The following PTPN14 variants were observed in gnomAD, a reference collection of about 807,000 sequenced individuals.
PTPN14 encodes tyrosine-protein phosphatase non-receptor type 14.
In PTPN14, 53 loss-of-function variants were observed where a neutral mutation model predicts 126.8. The ratio of observed to expected loss-of-function variants is 0.42; its 90% CI spans 0.34 to 0.53. The LOEUF (loss-of-function observed/expected upper bound fraction) is 0.53. PTPN14 is among the 20% of genes least tolerant of loss of function. The pLI is 0.08. For synonymous variants in PTPN14, 630 were observed against 599.3 expected, an observed-to-expected ratio of 1.05 and a Z score of -0.75; for missense variants, 1,257 against 1,552.9, an observed-to-expected ratio of 0.81 and a Z score of 3.20.
At chr1:214,416,992 T>C (rs1392146638) in intron 3 of PTPN14, among the ~76,000 whole-genome samples, 1 of 151,908 alleles carries the variant, frequency 6.6e-6, no homozygotes, top group African/African-American at 2.4e-5. Context: ...TACTCCACCC[T>C]GTCATAGCTT....
chr1:214,516,452 G>A (rs1655105259), intron 1 of PTPN14, among the ~76,000 whole-genome samples: 1 of 152,180 alleles, frequency 6.6e-6, no homozygotes, highest in Non-Finnish European at 1.5e-5. Flanking sequence ...TCACTGTGCA[G>A]CATATGCTGG....
At chr1:214,541,173 G>A (rs1008441128) in intron 1 of PTPN14, among the ~76,000 whole-genome samples, 1 of 151,926 alleles carries the variant, frequency 6.6e-6, no homozygotes, top group Non-Finnish European at 1.5e-5. Context: ...GGGAACATCA[G>A]ATAAAACCTC....
chr1:214,544,018 G>A (rs1655906968), intron 1 of PTPN14, among the ~76,000 whole-genome samples: 1 of 152,218 alleles, frequency 6.6e-6, no homozygotes, highest in Non-Finnish European at 1.5e-5. Context: ...AAGATGAACT[G>A]AATAAGATCC....
chr1:214,535,811 C>T (rs901972934), intron 1 of PTPN14, among the ~76,000 whole-genome samples: 3 of 151,658 alleles, frequency 2.0e-5, no homozygotes, highest in Non-Finnish European at 4.4e-5. Flanking sequence ...TGAGATAATC[C>T]ACTTCCTTGT....
At chr1:214,534,540 C>T (rs1019489507) in intron 1 of PTPN14, among the ~76,000 whole-genome samples, 17 of 151,764 alleles carry the variant, frequency 1.1e-4, no homozygotes, top group Admixed American at 2.6e-4. Context: ...GGTGAAACCC[C>T]GTCTCTACTA....
intron 1 of PTPN14, among the ~76,000 whole-genome samples, chr1:214,538,541 A>C (rs955633691): frequency 5.3e-5 from 8 of 152,360 alleles, no homozygotes; most frequent in African/African-American, 1.7e-4. Context: ...TTAGCTTGAC[A>C]TAAGTAAAGA....
chr1:214,376,202 C>G lies in PTPN14; in HGVS notation c.2907+17G>C, dbSNP rs777549914. ...CAGCCATCTTTACCAAACCTTCTAA[C>G]AGGCTTGCCTTCTTACCTTGATGTG... On this transcript the variant is annotated intron_variant, in intron 15 of 18. Coordinates refer to ENST00000366956, the MANE Select transcript of PTPN14 (RefSeq NM_005401.5). The G allele has an allele frequency of 6.2e-7, 1 of 1,604,544 alleles. No homozygotes were observed. The highest frequency in any genetic ancestry group is 8.5e-7 in the Non-Finnish European group (1 of 1,172,210).
At chr1:214,441,533 A>C (rs1660036309) in intron 3 of PTPN14, among the ~76,000 whole-genome samples, 1 of 152,276 alleles carries the variant, frequency 6.6e-6, no homozygotes, top group Non-Finnish European at 1.5e-5. Context: ...AAGGTAGAGC[A>C]AACAATTATA....
At chr1:214,458,475 AC>A (rs1274892122) in intron 2 of PTPN14, among the ~76,000 whole-genome samples, 1 of 152,210 alleles carries the variant, frequency 6.6e-6, no homozygotes, top group Non-Finnish European at 1.5e-5. Context: ...GAAGGCAGCC[AC>A]ATCGAGTGCT....
At chr1:214,520,984 C>G (rs1026116691) in intron 1 of PTPN14, among the ~76,000 whole-genome samples, 6 of 152,136 alleles carry the variant, frequency 3.9e-5, no homozygotes, top group African/African-American at 1.4e-4. Flanking sequence ...GTAAATAAAA[C>G]AGATTCACAA....
intron 1 of PTPN14, among the ~76,000 whole-genome samples, chr1:214,513,911 C>T (rs1464540925): frequency 6.6e-6 from 1 of 152,208 alleles, no homozygotes; most frequent in East Asian, 1.9e-4. Flanking sequence ...TGTGTTATTA[C>T]TCTTGTTCAC....
chr1:214,494,066 TTCTTTC>T (rs1186738495), intron 1 of PTPN14, among the ~76,000 whole-genome samples: 2 of 151,954 alleles, frequency 1.3e-5, no homozygotes, highest in Non-Finnish European at 2.9e-5. Context: ...TCTTCTCTCT[TTCTTTC>T]TCTTTTTTTT....
chr1:214,549,840 G>T (rs1656062673), intron 1 of PTPN14, among the ~76,000 whole-genome samples: 1 of 152,162 alleles, frequency 6.6e-6, no homozygotes, highest in African/African-American at 2.4e-5. Context: ...GCTACTTGTG[G>T]TTCCCATAAG....
rs769639797 is a variant in PTPN14 at position 214,393,739 on chromosome 1, A to C, written c.885T>G (p.Phe295Leu). Residue 295 changes from phenylalanine to leucine, a missense_variant, in exon 10 of 19, where the codon TTT becomes TTG. By Grantham distance (22) the Phe-to-Leu change is conservative (BLOSUM62 0). Coordinates refer to ENST00000366956, the MANE Select transcript of PTPN14 (RefSeq NM_005401.5). ...GTTTGTAAAACTTGTGTCGTGTGGC[A>C]AACAACCGAGAAATATACTTGGCAT... ...IENAKYISRL[F>L]ATRHKFYKQN... 4 of 1,604,394 alleles carry C rather than the reference A, an allele frequency of 2.5e-6. No homozygotes were observed. The African/African-American group carries it at 5.4e-5, about 21-fold the overall frequency.
intron 10 of PTPN14, among the ~76,000 whole-genome samples, chr1:214,392,533 C>T (rs1221009397): frequency 6.6e-6 from 1 of 152,032 alleles, no homozygotes. Flanking sequence ...TTGTTCATGT[C>T]AAAGACACCC....
At position 214,383,889 on chromosome 1, in the gene PTPN14, T is replaced by C. The variant is rs369869120; in HGVS notation, c.1966A>G (p.Met656Val). ...MNSMVRGMEAMTLKSLHLPMA... is the reference protein window; with the variant it reads ...MNSMVRGMEAVTLKSLHLPMA... Reference sequence around the variant, plus strand: ...GGGAGGTGGAGCGACTTGAGCGTCATGGCCTCCATGCCCCGCACCATGCTG... The same window carrying C: ...GGGAGGTGGAGCGACTTGAGCGTCACGGCCTCCATGCCCCGCACCATGCTG... Residue 656 changes from methionine to valine, a missense_variant, in exon 13 of 19, where the codon ATG becomes GTG. Physicochemically the swap from Met to Val is conservative, Grantham distance 21. Coordinates refer to ENST00000366956, the MANE Select transcript of PTPN14 (RefSeq NM_005401.5). The surrounding 1 kb of genome is among the most constrained non-coding windows in gnomAD (Gnocchi z 4.4). 6 of 1,613,224 alleles carry C rather than the reference T, an allele frequency of 3.7e-6. No homozygotes were observed. Among genetic ancestry groups the C allele is most frequent in the Non-Finnish European group, 5.1e-6 (6 of 1,180,010 alleles).
In PTPN14 at chr1:214,502,571, C is replaced by G. The variant is rs887536322; in HGVS notation, c.-154-37614G>C. 2.0e-5 allele frequency among the ~76,000 whole-genome samples: 3 copies of G among 152,108 alleles called. No individual in the cohort carries two copies. The East Asian group carries it at 5.8e-4, about 29-fold the overall frequency. On this transcript the variant is annotated intron_variant, in intron 1 of 18. Coordinates refer to ENST00000366956, the MANE Select transcript of PTPN14 (RefSeq NM_005401.5). ...ACAGGATCTCACTATGTTGCCCAGG[C>G]TGGTCTCATACTCCCGGTATCAAGT... is the stretch of plus-strand genomic sequence containing the variant.
At chr1:214,492,247 C>T (rs1661267121) in intron 1 of PTPN14, among the ~76,000 whole-genome samples, 1 of 151,774 alleles carries the variant, frequency 6.6e-6, no homozygotes, top group Non-Finnish European at 1.5e-5. Context: ...TCATCCCTGC[C>T]CCCCAAAAGG....
chr1:214,426,718 C>A (rs138127108), intron 3 of PTPN14, among the ~76,000 whole-genome samples: 11 of 152,244 alleles, frequency 7.2e-5, no homozygotes, highest in African/African-American at 2.6e-4. Context: ...TCCTTTTCAT[C>A]CTAGACTTAA....
Sources: gnomAD v4.1 joint callset for allele counts (sites outside exome capture counted in the v4.1 genomes callset) on GRCh38, gnomAD v4.1.1 for gene constraint, Gnocchi (gnomAD v3.1) non-coding constraint, MANE v1.5 for transcripts, NCBI Gene and HGNC (gene_info 2026-07-23, HGNC 2026-07-21) for gene names.